PSMD1: variants seen among roughly 807,000 people sequenced by gnomAD.
PSMD1 encodes 26S proteasome non-ATPase regulatory subunit 1.
Under a neutral mutation model 119.0 loss-of-function variants are expected in PSMD1, and 18 were observed. That is an observed-to-expected ratio of 0.15 (90% CI 0.10 to 0.22). The LOEUF is 0.22. PSMD1 is among the 10% of genes least tolerant of loss of function. The probability of loss-of-function intolerance (pLI) is 1.00; values close to 1 mark genes in which losing one functional copy is unlikely to be tolerated. For missense variants in PSMD1, 702 were observed against 1,158.5 expected (o/e 0.61, Z 5.72); for synonymous variants, 374 against 396.6 (o/e 0.94, Z 0.68).
chr2:231,087,239 G>A, intron 16 of PSMD1, 58 bp downstream of exon 16: 1 of 1,428,860 alleles, frequency 7.0e-7, no homozygotes, highest in Non-Finnish European at 9.8e-7. Flanking sequence ...AAATGTAGTA[G>A]TCACTACCGA....
Position 231,170,801 on chromosome 2 carries a change from G to A in PSMD1, c.*9+80G>A, listed in dbSNP as rs540473027. The stretch of plus-strand genomic sequence containing the variant: ...GTTTTTTGCAAGGACATCATCTCAC[G>A]TTTTTCCTTCCTTTTGTGTTTAATC... On this transcript the variant is annotated intron_variant, in intron 24 of 24. Transcript: ENST00000308696. The surrounding 1 kb of genome is among the most constrained non-coding windows in gnomAD (Gnocchi z 4.1). 151 of 1,389,594 alleles carry A rather than the reference G, an allele frequency of 1.1e-4. 1 individual carries two copies. The African/African-American group carries it at 1.3e-3, about 12-fold the overall frequency. 86.1% of individuals were successfully genotyped at this position (1,389,594 alleles called of 1,614,324 possible).
intron 16 of PSMD1, among the ~76,000 whole-genome samples, chr2:231,115,839 G>T (rs1482608329): frequency 1.3e-5 from 2 of 152,124 alleles, no homozygotes; most frequent in Non-Finnish European, 2.9e-5. Flanking sequence ...ACTTAGATAT[G>T]CAGGCTCTTG....
chr2:231,076,755 TAA>T lies in PSMD1; in HGVS notation c.943-275_943-274del, dbSNP rs1481271577. Among the ~76,000 whole-genome samples, 3 of 152,230 alleles carry T rather than the reference TAA, an allele frequency of 2.0e-5. No individual in the cohort carries two copies. The East Asian group carries it at 5.8e-4, about 29-fold the overall frequency. On this transcript the variant is annotated intron_variant, in intron 8 of 24. Transcript: ENST00000308696. ...TTAAAATATAAATTGACTCATTTAA[TAA>T]AAAGTAATTTTCCTGCGTGTTATCA...
intron 16 of PSMD1, among the ~76,000 whole-genome samples, chr2:231,131,460 C>G (rs1559244331): frequency 6.6e-6 from 1 of 152,050 alleles, no homozygotes; most frequent in Non-Finnish European, 1.5e-5. Context: ...CCAATCATTG[C>G]TTAGAAAGTT....
chr2:231,164,373 C>T (rs1300178120), intron 21 of PSMD1, among the ~76,000 whole-genome samples: 1 of 152,144 alleles, frequency 6.6e-6, no homozygotes, highest in East Asian at 1.9e-4. Context: ...TATGAGGACA[C>T]TCCTGTATTA....
At chr2:231,151,170 T>G (rs1049522360) in intron 18 of PSMD1, among the ~76,000 whole-genome samples, 1 of 152,064 alleles carries the variant, frequency 6.6e-6, no homozygotes, top group Non-Finnish European at 1.5e-5. Flanking sequence ...ATTCTACTTT[T>G]TGTTTTTTTT....
At chr2:231,068,207 A>G (rs1401138927) in intron 5 of PSMD1, among the ~76,000 whole-genome samples, 1 of 152,168 alleles carries the variant, frequency 6.6e-6, no homozygotes, top group East Asian at 1.9e-4. Flanking sequence ...CGGGACAGGT[A>G]TTTGTGCCTT....
intron 16 of PSMD1, among the ~76,000 whole-genome samples, chr2:231,091,852 A>G (rs908353813): frequency 2.6e-5 from 4 of 152,138 alleles, no homozygotes; most frequent in Non-Finnish European, 5.9e-5. Flanking sequence ...ATTCCAAGGT[A>G]GGGAGGTGAC....
At chr2:231,108,945 A>C in intron 16 of PSMD1, 1 of 1,614,132 alleles carries the variant, frequency 6.2e-7, no homozygotes. Flanking sequence ...GTAATAAAGA[A>C]GGGACACCAC....
intron 16 of PSMD1, among the ~76,000 whole-genome samples, chr2:231,087,552 A>G (rs1366320074): frequency 6.6e-6 from 1 of 152,222 alleles, no homozygotes; most frequent in Non-Finnish European, 1.5e-5. Flanking sequence ...GAAGGGCTTT[A>G]ATGAAAGTGA....
chr2:231,101,082 G>A (rs1436393351), intron 16 of PSMD1, among the ~76,000 whole-genome samples: 4 of 152,178 alleles, frequency 2.6e-5, no homozygotes, highest in East Asian at 1.9e-4. Context: ...TAGCCACCCC[G>A]ATAAACCAGA....
At chr2:231,109,223 T>G (rs1695073352) in intron 16 of PSMD1, 1 of 1,614,202 alleles carries the variant, frequency 6.2e-7, no homozygotes, top group Non-Finnish European at 8.5e-7. Context: ...TAAGTAAGCC[T>G]TCTTCTGTAA....
chr2:231,132,622 A>T (rs1054231805), intron 16 of PSMD1, among the ~76,000 whole-genome samples: 7 of 152,198 alleles, frequency 4.6e-5, no homozygotes, highest in African/African-American at 1.4e-4. Flanking sequence ...TCCCCAGCAT[A>T]CATAAGGAGG....
chr2:231,161,235 CT>C (rs1696632231), intron 19 of PSMD1, 104 bp from the exon 20 acceptor site: 110 of 1,106,058 alleles, frequency 9.9e-5, no homozygotes, highest in East Asian at 1.1e-4. Context: ...GACCCTATCT[CT>C]TTAAAAAAAA....
chr2:231,069,972 A>G, intron 5 of PSMD1, 53 bp from the exon 6 acceptor site: 2 of 1,267,506 alleles, frequency 1.6e-6, no homozygotes, highest in Non-Finnish European at 2.0e-6. Context: ...TTCTAAATAA[A>G]TATAATGCTG....
intron 18 of PSMD1, among the ~76,000 whole-genome samples, chr2:231,151,281 A>G (rs1050323850): frequency 2.6e-5 from 4 of 151,984 alleles, no homozygotes; most frequent in African/African-American, 7.2e-5. Context: ...AAGCAAACCA[A>G]TTGTTTTGCT....
intron 15 of PSMD1, among the ~76,000 whole-genome samples, chr2:231,086,016 G>A (rs1430253857): frequency 6.6e-6 from 1 of 151,760 alleles, no homozygotes; most frequent in Non-Finnish European, 1.5e-5. Flanking sequence ...AAGCCATAAT[G>A]CAGCTGAAAT....
At chr2:231,159,460 A>G (rs890466593) in intron 19 of PSMD1, among the ~76,000 whole-genome samples, 3 of 152,168 alleles carry the variant, frequency 2.0e-5, no homozygotes, top group African/African-American at 7.2e-5. Context: ...CTTCAGTTTT[A>G]AAAACAAAAT....
At chr2:231,075,785 G>A (rs1559220505) in intron 8 of PSMD1, among the ~76,000 whole-genome samples, 2 of 152,112 alleles carry the variant, frequency 1.3e-5, no homozygotes, top group Non-Finnish European at 2.9e-5. Context: ...GGTTCGCTGT[G>A]TTGCCCAGGC....
Sources: allele counts gnomAD v4.1 joint callset (sites outside exome capture counted in the v4.1 genomes callset), GRCh38; gene constraint gnomAD v4.1.1; non-coding constraint Gnocchi (gnomAD v3.1); transcripts MANE v1.5; gene names NCBI Gene and HGNC (gene_info 2026-07-23, HGNC 2026-07-21).